The following SUMF1 variants were observed in gnomAD, a reference collection of about 807,000 sequenced individuals.
SUMF1 encodes sulfatase modifying factor 1.
SUMF1 carries 48 observed loss-of-function variants against 47.6 expected under a neutral mutation model. The observed-to-expected ratio is 1.01, with a 90% CI of 0.80 to 1.28. The LOEUF (loss-of-function observed/expected upper bound fraction) is 1.28, where lower values mean the gene tolerates loss of function less well. SUMF1 is among the 50% of genes most tolerant of loss of function. The pLI is 0.00. For synonymous variants in SUMF1, 230 were observed against 192.1 expected (o/e 1.20, Z -1.63); for missense variants, 571 against 485.4 (o/e 1.18, Z -1.66).
intron 8 of SUMF1, among the ~76,000 whole-genome samples, chr3:4,089,458 T>TA (rs1242652013): frequency 1.3e-5 from 2 of 152,070 alleles, no homozygotes; most frequent in African/African-American, 2.4e-5. Context: ...ATACTTGGTA[T>TA]AAAAAAATAC....
At chr3:4,107,357 G>T (rs1213054939) in intron 8 of SUMF1, among the ~76,000 whole-genome samples, 1 of 152,058 alleles carries the variant, frequency 6.6e-6, no homozygotes, top group Non-Finnish European at 1.5e-5. Flanking sequence ...GTAGTGTGCT[G>T]TTTTATTTAC....
At chr3:4,424,148 A>G (rs1343488572) in intron 3 of SUMF1, among the ~76,000 whole-genome samples, 2 of 152,256 alleles carry the variant, frequency 1.3e-5, no homozygotes, top group Admixed American at 6.5e-5. Context: ...TCCTTGATAA[A>G]TGTCTCTAAA....
intron 7 of SUMF1, among the ~76,000 whole-genome samples, chr3:4,390,432 C>T (rs3864051): frequency 0.29 from 44,752 of 152,074 alleles, 6,979 homozygotes; most frequent in East Asian, 0.39. Flanking sequence ...AGAGTGGTTA[C>T]TGTCTAAAAG....
chr3:4,301,214 G>A (rs907311141), intron 8 of SUMF1, among the ~76,000 whole-genome samples: 3 of 152,150 alleles, frequency 2.0e-5, no homozygotes, highest in Non-Finnish European at 2.9e-5. Context: ...CTGGGTAAAG[G>A]CACTGGAGAT....
intron 8 of SUMF1, among the ~76,000 whole-genome samples, chr3:4,355,056 T>C (rs1209001315): frequency 1.3e-5 from 2 of 152,172 alleles, no homozygotes; most frequent in Non-Finnish European, 2.9e-5. Flanking sequence ...AACTGCCTTT[T>C]AAAGACAGTG....
intron 8 of SUMF1, among the ~76,000 whole-genome samples, chr3:4,373,928 C>T (rs966732881): frequency 6.6e-6 from 1 of 152,024 alleles, no homozygotes; most frequent in African/African-American, 2.4e-5. Flanking sequence ...ATAGAAAAAG[C>T]AAAATCATAT....
At chr3:4,244,543 G>A (rs186480268) in intron 8 of SUMF1, among the ~76,000 whole-genome samples, 73 of 152,272 alleles carry the variant, frequency 4.8e-4, no homozygotes, top group African/African-American at 1.7e-3. Context: ...ATGAAATTCT[G>A]GGTTGAAAAT....
At chr3:4,398,193 G>A (rs1169580444) in intron 7 of SUMF1, among the ~76,000 whole-genome samples, 1 of 152,078 alleles carries the variant, frequency 6.6e-6, no homozygotes, top group Non-Finnish European at 1.5e-5. Context: ...AACCCACCGA[G>A]GTGGGTTTGC....
At chr3:4,200,296 T>G (rs1248356014) in intron 8 of SUMF1, among the ~76,000 whole-genome samples, 1 of 151,622 alleles carries the variant, frequency 6.6e-6, no homozygotes, top group Non-Finnish European at 1.5e-5. Flanking sequence ...TCTGTTACAG[T>G]GTTTCCAGAG....
At chr3:4,460,039 G>C (rs534606760) in intron 1 of SUMF1, among the ~76,000 whole-genome samples, 1 of 152,146 alleles carries the variant, frequency 6.6e-6, no homozygotes, top group African/African-American at 2.4e-5. Context: ...AAAAAGAAGA[G>C]GGGGATAAAA....
intron 8 of SUMF1, among the ~76,000 whole-genome samples, chr3:4,149,328 G>T (rs1208167262): frequency 6.6e-6 from 1 of 151,992 alleles, no homozygotes; most frequent in Non-Finnish European, 1.5e-5. Context: ...TCTTCTTGAG[G>T]GATTTTTCAA....
chr3:4,270,530 C>G (rs1346638099), intron 8 of SUMF1, among the ~76,000 whole-genome samples: 1 of 152,006 alleles, frequency 6.6e-6, no homozygotes, highest in South Asian at 2.1e-4. Flanking sequence ...AATTACAACT[C>G]CTAATTCTTA....
At chr3:4,189,469 T>C (rs1468064981) in intron 8 of SUMF1, among the ~76,000 whole-genome samples, 3 of 152,132 alleles carry the variant, frequency 2.0e-5, no homozygotes, top group Non-Finnish European at 2.9e-5. Context: ...CAGCAATAAT[T>C]TTCCTACAAG....
chr3:4,243,804 C>A (rs750965255), intron 8 of SUMF1, among the ~76,000 whole-genome samples: 6 of 152,106 alleles, frequency 3.9e-5, no homozygotes, highest in Non-Finnish European at 7.4e-5. Flanking sequence ...GAGTTCAAGT[C>A]CTGGGTAGCC....
Position 4,382,165 on chromosome 3 carries a change from G to A in SUMF1, c.955-5776C>T, listed in dbSNP as rs115313368. Among the ~76,000 whole-genome samples, 597 of 152,270 alleles carry A rather than the reference G, an allele frequency of 3.9e-3. 2 individuals carry two copies. Among genetic ancestry groups the A allele is most frequent in the Non-Finnish European group, 7.0e-3 (476 of 68,016 alleles). On this transcript the variant is annotated intron_variant, in intron 7 of 8. Transcript: ENST00000272902. ...CTAATGAAGATCCTCGTAACGGATG[G>A]TTCAGACTGACAATGCCTACTTAAA...
chr3:4,268,987 T>C (rs1356038220), intron 8 of SUMF1, among the ~76,000 whole-genome samples: 1 of 152,140 alleles, frequency 6.6e-6, no homozygotes, highest in Non-Finnish European at 1.5e-5. Flanking sequence ...GTCTAAAATA[T>C]GGTCTTAAAC....
intron 9 of SUMF1, among the ~76,000 whole-genome samples, chr3:4,062,749 G>A (rs1322750406): frequency 6.6e-6 from 1 of 152,112 alleles, no homozygotes; most frequent in African/African-American, 2.4e-5. Flanking sequence ...GTACCTTGAT[G>A]TCAACAAGGG....
In SUMF1 at chr3:4,081,678, C is replaced by T. The variant is rs1692563412; in HGVS notation, c.1015-12933G>A. On this transcript the variant is annotated intron_variant and NMD_transcript_variant, in intron 8 of 12. Coordinates refer to the SUMF1 transcript ENST00000448413. ...CTTCAGTTATAAAATGGGACAATAACACCTCTGTCATAGGGTTATGAGTGA... is the reference window on the plus strand; with the variant it reads ...CTTCAGTTATAAAATGGGACAATAATACCTCTGTCATAGGGTTATGAGTGA... Among the ~76,000 whole-genome samples, 3 of 152,136 alleles carry T rather than the reference C, an allele frequency of 2.0e-5. No individual in the cohort carries two copies. In the East Asian group the frequency reaches 5.8e-4, roughly 29 times the overall value.
intron 3 of SUMF1, among the ~76,000 whole-genome samples, chr3:4,428,287 ATATATT>A (rs1218842885): frequency 2.0e-5 from 3 of 152,170 alleles, no homozygotes; most frequent in African/African-American, 7.2e-5. Context: ...TTAGCAGAAC[ATATATT>A]TAAATGTTTG....
Sources: allele counts gnomAD v4.1 joint callset (sites outside exome capture counted in the v4.1 genomes callset), GRCh38; gene constraint gnomAD v4.1.1; transcripts MANE v1.5; gene names NCBI Gene and HGNC (gene_info 2026-07-23, HGNC 2026-07-21).